The following LEMD3 variants were observed in gnomAD, a reference collection of about 807,000 sequenced individuals.
The protein encoded by LEMD3 is LEM domain containing 3.
In LEMD3, 33 loss-of-function variants were observed where a neutral mutation model predicts 95.2. The observed-to-expected ratio is 0.35, with a 90% CI of 0.26 to 0.46. The LOEUF (loss-of-function observed/expected upper bound fraction) is 0.46. LEMD3 is among the 20% of genes least tolerant of loss of function. The pLI, the probability that LEMD3 is intolerant of heterozygous loss-of-function variation, is 1.00. For missense variants in LEMD3, 1,210 were observed against 1,192.8 expected, an observed-to-expected ratio of 1.01 and a Z score of -0.21; for synonymous variants, 525 against 474.6, an observed-to-expected ratio of 1.11 and a Z score of -1.38.
At chr12:65,197,173 A>G (rs1029896962) in intron 1 of LEMD3, among the ~76,000 whole-genome samples, 74 of 152,094 alleles carry the variant, frequency 4.9e-4, no homozygotes, top group Admixed American at 5.9e-4. Flanking sequence ...TAGGAGCTCC[A>G]TTTTACAGAG....
At chr12:65,222,490 G>C (rs1473124427) in intron 4 of LEMD3, among the ~76,000 whole-genome samples, 1 of 152,088 alleles carries the variant, frequency 6.6e-6, no homozygotes, top group African/African-American at 2.4e-5. Context: ...AGAAGAATTT[G>C]AATAGGATTG....
chr12:65,217,275 G>A (rs1870139151), intron 3 of LEMD3, among the ~76,000 whole-genome samples: 1 of 152,170 alleles, frequency 6.6e-6, no homozygotes, highest in African/African-American at 2.4e-5. Context: ...CTACATAAGT[G>A]AATGAGCTTG....
At chr12:65,180,461 C>T (rs1052307839) in intron 1 of LEMD3, among the ~76,000 whole-genome samples, 6 of 151,056 alleles carry the variant, frequency 4.0e-5, no homozygotes, top group Non-Finnish European at 7.4e-5. Flanking sequence ...ATTTATTTTG[C>T]ATGTTTAATA....
intron 1 of LEMD3, among the ~76,000 whole-genome samples, chr12:65,179,210 T>C (rs1868825248): frequency 6.6e-6 from 1 of 152,188 alleles, no homozygotes; most frequent in South Asian, 2.1e-4. Flanking sequence ...GAACTTTTCA[T>C]ACATTTGATC....
chr12:65,240,926 T>C lies in LEMD3; in HGVS notation c.2144T>C (p.Val715Ala). 2 of 1,613,992 alleles carry C rather than the reference T, an allele frequency of 1.2e-6. No individual in the cohort carries two copies. Among genetic ancestry groups the C allele is most frequent in the Non-Finnish European group, 1.7e-6 (2 of 1,179,906 alleles). ...CATGATAGGAAAAAAATGAAGAAAG[T>C]CTGGGATAGAGCTGTTGACTTCCTT... ...QPHDRKKMKK[V>A]WDRAVDFLAA... Residue 715 changes from valine (V) to alanine (A), a missense_variant, in exon 9 of 13, where the codon GTC becomes GCC. Coordinates refer to ENST00000308330, the MANE Select transcript of LEMD3 (RefSeq NM_014319.5).
At chr12:65,177,913 G>C (rs1868776201) in intron 1 of LEMD3, among the ~76,000 whole-genome samples, 1 of 149,806 alleles carries the variant, frequency 6.7e-6, no homozygotes, top group Non-Finnish European at 1.5e-5. Flanking sequence ...GTGTGATCAT[G>C]GCTTACTGCA....
At chr12:65,181,841 A>G (rs553213306) in intron 1 of LEMD3, among the ~76,000 whole-genome samples, 143 of 152,240 alleles carry the variant, frequency 9.4e-4, no homozygotes, top group African/African-American at 3.0e-3. Flanking sequence ...CTGAACATTT[A>G]TGATTATGGT....
At chr12:65,189,087 T>A (rs1397521899) in intron 1 of LEMD3, among the ~76,000 whole-genome samples, 1 of 152,160 alleles carries the variant, frequency 6.6e-6, no homozygotes, top group Non-Finnish European at 1.5e-5. Context: ...TTAGGCACAG[T>A]TAAGAGATTA....
At chr12:65,246,116 T>C (rs367810501) in intron 12 of LEMD3, 46 bp from the exon 13 acceptor site, 44 of 1,473,986 alleles carry the variant, frequency 3.0e-5, no homozygotes, top group African/African-American at 2.5e-4. Flanking sequence ...TCTGCAAATA[T>C]TAAACAGTTT....
intron 4 of LEMD3, among the ~76,000 whole-genome samples, chr12:65,221,578 A>C (rs192513714): frequency 2.6e-5 from 4 of 152,118 alleles, no homozygotes; most frequent in Admixed American, 2.6e-4. Flanking sequence ...AGATTATGTC[A>C]CTTGCTAAGA....
At chr12:65,181,614 A>G (rs1247214172) in intron 1 of LEMD3, among the ~76,000 whole-genome samples, 1 of 152,172 alleles carries the variant, frequency 6.6e-6, no homozygotes, top group Non-Finnish European at 1.5e-5. Flanking sequence ...CAGTGTATAT[A>G]TACACAAAAG....
chr12:65,238,825 A>G lies in LEMD3; in HGVS notation c.1921+11A>G. 6.2e-7 allele frequency: 1 copy of G among 1,613,828 alleles called. No homozygotes were observed. Among genetic ancestry groups the G allele is most frequent in the Non-Finnish European group, 8.5e-7 (1 of 1,179,758 alleles). On this transcript the variant is annotated intron_variant, in intron 6 of 12. Transcript: ENST00000308330. ...TGTTGTTATGCTTAGGTAAGTTGTA[A>G]AGATAAGAAATGAGATAAATTGCAG...
chr12:65,215,937 T>TTTTTTATTGGG, intron 2 of LEMD3, 40 bp from the exon 3 acceptor site: 1 of 845,446 alleles, frequency 1.2e-6, no homozygotes, highest in South Asian at 1.7e-5. Context: ...GTTTTTTTTC[T>TTTTTTATTGGG]TGTAATTGGG....
intron 4 of LEMD3, among the ~76,000 whole-genome samples, chr12:65,237,623 C>T (rs1383988300): frequency 2.0e-5 from 3 of 152,294 alleles, no homozygotes; most frequent in African/African-American, 7.2e-5. Flanking sequence ...TGGTCATTTT[C>T]AGATGCATTG....
At chr12:65,242,788 A>G (rs1267425226) in intron 9 of LEMD3, among the ~76,000 whole-genome samples, 1 of 152,162 alleles carries the variant, frequency 6.6e-6, no homozygotes, top group Non-Finnish European at 1.5e-5. Context: ...CCACATAACA[A>G]TGTATTTTTA....
At chr12:65,182,082 G>A (rs553257961) in intron 1 of LEMD3, among the ~76,000 whole-genome samples, 1 of 152,132 alleles carries the variant, frequency 6.6e-6, no homozygotes, top group Admixed American at 6.6e-5. Context: ...AAGGTTACAA[G>A]TGATTTGTCC....
chr12:65,210,692 C>T (rs1869910014), intron 1 of LEMD3, among the ~76,000 whole-genome samples: 1 of 152,080 alleles, frequency 6.6e-6, no homozygotes, highest in Non-Finnish European at 1.5e-5. Context: ...TCTGTGATAC[C>T]AGAGCACCTG....
intron 4 of LEMD3, among the ~76,000 whole-genome samples, chr12:65,221,851 A>G (rs1165080830): frequency 3.3e-5 from 5 of 150,260 alleles, no homozygotes. Context: ...AGCGATTCAC[A>G]TGTCTCAGCT....
intron 1 of LEMD3, among the ~76,000 whole-genome samples, chr12:65,204,316 A>T (rs1181163296): frequency 6.6e-6 from 1 of 151,900 alleles, no homozygotes; most frequent in Non-Finnish European, 1.5e-5. Context: ...GTTTTTCCTG[A>T]TGCTCTCCCT....
Sources: gnomAD v4.1 joint callset for allele counts (sites outside exome capture counted in the v4.1 genomes callset) on GRCh38, gnomAD v4.1.1 for gene constraint, MANE v1.5 for transcripts, NCBI Gene and HGNC (gene_info 2026-07-23, HGNC 2026-07-21) for gene names.